Variants in PHACTR4 observed in about 807,000 individuals in gnomAD.
PHACTR4 encodes the protein protein phosphatase 1, regulatory subunit 124.
A neutral mutation model predicts 72.7 loss-of-function variants in PHACTR4; 51 were observed. That is an observed-to-expected ratio of 0.70 (90% CI 0.56 to 0.89). The LOEUF (loss-of-function observed/expected upper bound fraction) is 0.89. Among genes scored for constraint, PHACTR4 ranks in the 40% least tolerant of loss-of-function variants. PHACTR4 has a pLI of 0.00. For synonymous variants in PHACTR4, 255 were observed against 302.5 expected (o/e 0.84, Z 1.63); for missense variants, 731 against 861.8 (o/e 0.85, Z 1.90).
Position 28,474,939 on chromosome 1 carries a change from T to TTTTATTTA in PHACTR4, c.1421+806_1421+813dup, listed in dbSNP as rs143428465. 3.8e-3 allele frequency among the ~76,000 whole-genome samples: 581 copies of TTTTATTTA among 151,296 alleles called. 5 individuals are homozygous for TTTTATTTA. Among genetic ancestry groups the TTTTATTTA allele is most frequent in the African/African-American group, 0.013 (547 of 40,930 alleles). On this transcript the variant is annotated intron_variant, in intron 7 of 13. Transcript: ENST00000373839. ...TTTTAATCTTACCTTAAAACTTTAT[T>TTTTATTTA]TTTATTTATTTATTTATTTATTTAT...
At chr1:28,487,717 G>GTTTTTTTTTTTTTTTT (rs1320016675) in intron 9 of PHACTR4, among the ~76,000 whole-genome samples, 4 of 102,458 alleles carry the variant, frequency 3.9e-5, no homozygotes, top group African/African-American at 1.2e-4. Context: ...ACAAATTGTA[G>GTTTTTTTTTTTTTTTT]TTTTTTGTTG....
intron 1 of PHACTR4, among the ~76,000 whole-genome samples, chr1:28,371,320 A>G (rs1359617446): frequency 6.6e-6 from 1 of 152,092 alleles, no homozygotes; most frequent in Non-Finnish European, 1.5e-5. Flanking sequence ...ATTTTGAGAC[A>G]ATCTCACTTT....
At chr1:28,419,787 T>C (rs1449788882) in intron 2 of PHACTR4, among the ~76,000 whole-genome samples, 3 of 152,216 alleles carry the variant, frequency 2.0e-5, no homozygotes, top group Non-Finnish European at 4.4e-5. Flanking sequence ...AACATCTGCA[T>C]TTCTACCAAA....
chr1:28,404,073 G>A (rs1252638311), intron 1 of PHACTR4, among the ~76,000 whole-genome samples: 5 of 151,814 alleles, frequency 3.3e-5, no homozygotes, highest in African/African-American at 7.3e-5. Flanking sequence ...GTTTGTTTTT[G>A]TAGTTAGCTG....
chr1:28,371,663 A>C (rs1412283317), intron 1 of PHACTR4, among the ~76,000 whole-genome samples: 1 of 151,810 alleles, frequency 6.6e-6, no homozygotes, highest in Non-Finnish European at 1.5e-5. Context: ...CAGTGAGTTG[A>C]GCACTGCTCA....
intron 2 of PHACTR4, among the ~76,000 whole-genome samples, chr1:28,452,058 A>G (rs61785961): frequency 0.28 from 42,774 of 152,052 alleles, 6,185 homozygotes; most frequent in Middle Eastern, 0.34. Flanking sequence ...CTTGTGGCAA[A>G]CTAGGAGAAT....
intron 2 of PHACTR4, among the ~76,000 whole-genome samples, chr1:28,409,547 T>C (rs185350704): frequency 2.6e-4 from 40 of 152,334 alleles, no homozygotes; most frequent in Admixed American, 1.1e-3. Context: ...ACTTGTTTAA[T>C]TTCAGCGTAC....
chr1:28,481,597 C>T (rs892815566), intron 9 of PHACTR4: 1 of 151,988 alleles, frequency 6.6e-6, no homozygotes, highest in African/African-American at 2.4e-5. Flanking sequence ...CAAGACCAGC[C>T]TGACCAATAT....
intron 2 of PHACTR4, among the ~76,000 whole-genome samples, chr1:28,437,781 A>G (rs35830319): frequency 0.39 from 58,619 of 152,018 alleles, 12,994 homozygotes; most frequent in African/African-American, 0.6. Flanking sequence ...CACATTGGTC[A>G]TTAGAATTTC....
chr1:28,385,700 T>G (rs1323216152), intron 1 of PHACTR4, among the ~76,000 whole-genome samples: 3 of 140,796 alleles, frequency 2.1e-5, no homozygotes, highest in Admixed American at 7.4e-5. Flanking sequence ...CACTGCAACC[T>G]CCGCTTCTGG....
chr1:28,466,577 C>T lies in PHACTR4; in HGVS notation c.632C>T (p.Thr211Ile), dbSNP rs1659183467. Residue 211 changes from threonine (T) to isoleucine (I), a missense_variant, in exon 6 of 14, where the codon ACC becomes ATC. Thr to Ile is a moderately conservative substitution (Grantham distance 89). Transcript: ENST00000373839. ...STSITTAPAA[T>I]TAATSLAKTV... Reference sequence around the variant, plus strand: ...TCCATCACCACAGCACCCGCTGCCACCACTGCTGCCACAAGCCTTGCAAAG... The same window carrying T: ...TCCATCACCACAGCACCCGCTGCCATCACTGCTGCCACAAGCCTTGCAAAG... The T allele has an allele frequency of 1.2e-6, 2 of 1,614,146 alleles. No homozygotes were observed.
intron 13 of PHACTR4, among the ~76,000 whole-genome samples, chr1:28,493,552 AAAT>A (rs200332419): frequency 0.022 from 3,411 of 151,926 alleles, 48 homozygotes; most frequent in Admixed American, 0.035. Flanking sequence ...AAAAAAAAAA[AAAT>A]AAGTAAATGT....
chr1:28,373,296 A>AT (rs11449923), intron 1 of PHACTR4, among the ~76,000 whole-genome samples: 57,290 of 149,156 alleles, frequency 0.38, 12,491 homozygotes, highest in African/African-American at 0.6. Flanking sequence ...TTTAAACATA[A>AT]TTTTTTTTTT....
intron 6 of PHACTR4, 95 bp downstream of exon 6, chr1:28,466,863 G>A: frequency 6.8e-7 from 1 of 1,480,292 alleles, no homozygotes; most frequent in African/African-American, 1.4e-5. Flanking sequence ...TTTGGTCTGT[G>A]AGAATTTTCC....
At chr1:28,430,855 A>G (rs1054091357) in intron 2 of PHACTR4, among the ~76,000 whole-genome samples, 10 of 151,976 alleles carry the variant, frequency 6.6e-5, no homozygotes, top group Non-Finnish European at 1.5e-5. Flanking sequence ...AAAGCATTCT[A>G]CTCTTGTGAT....
chr1:28,428,664 CAT>C (rs1256976390), intron 2 of PHACTR4, among the ~76,000 whole-genome samples: 1 of 152,154 alleles, frequency 6.6e-6, no homozygotes, highest in Non-Finnish European at 1.5e-5. Flanking sequence ...GCTTCTGTGA[CAT>C]AAAAGCATGA....
At chr1:28,430,028 CTTT>C (rs1226890583) in intron 2 of PHACTR4, among the ~76,000 whole-genome samples, 1 of 144,918 alleles carries the variant, frequency 6.9e-6, no homozygotes. Context: ...CTTTCAGGTT[CTTT>C]TTTTTTTTTG....
intron 2 of PHACTR4, among the ~76,000 whole-genome samples, chr1:28,422,062 GA>G (rs1655544923): frequency 6.6e-6 from 1 of 152,204 alleles, no homozygotes; most frequent in Non-Finnish European, 1.5e-5. Flanking sequence ...AGCTCTCAAA[GA>G]GGAGATTGAG....
At position 28,496,988 on chromosome 1, in the gene PHACTR4, G is replaced by A. The variant is rs867398686; in HGVS notation, c.*439G>A. Reference sequence around the variant, plus strand: ...AGCCATCAAATCCAATTCCTGGTGGGGAAAACCTTCTGGAGACCCCCAACC... The same window carrying A: ...AGCCATCAAATCCAATTCCTGGTGGAGAAAACCTTCTGGAGACCCCCAACC... On this transcript the variant is annotated 3_prime_UTR_variant, in exon 14 of 14. Transcript: ENST00000373839. The A allele has an allele frequency of 5.8e-5, 12 of 208,028 alleles. No homozygotes were observed. Among genetic ancestry groups the A allele is most frequent in the South Asian group, 8.1e-5 (1 of 12,304 alleles). The allele number at this position is 208,028 out of a possible 1,614,324, so 12.9% of individuals were successfully genotyped here.
Sources: allele counts gnomAD v4.1 joint callset (sites outside exome capture counted in the v4.1 genomes callset), GRCh38; gene constraint gnomAD v4.1.1; transcripts MANE v1.5; gene names NCBI Gene and HGNC (gene_info 2026-07-23, HGNC 2026-07-21).